NDST4: variants seen among roughly 807,000 people sequenced by gnomAD.
The protein encoded by NDST4 is N-heparan sulfate sulfotransferase 4.
In NDST4, 63 loss-of-function variants were observed where a neutral mutation model predicts 100.8. That is an observed-to-expected ratio of 0.62 (90% CI 0.51 to 0.77). The LOEUF (loss-of-function observed/expected upper bound fraction) is 0.77. Among genes scored for constraint, NDST4 ranks in the 30% least tolerant of loss-of-function variants. NDST4 has a pLI of 0.00. For missense variants in NDST4, 943 were observed against 1,018.4 expected (o/e 0.93, Z 1.01); for synonymous variants, 377 against 361.8 (o/e 1.04, Z -0.48).
chr4:114,911,678 G>A (rs140006146), intron 6 of NDST4, among the ~76,000 whole-genome samples: 1 of 152,168 alleles, frequency 6.6e-6, no homozygotes, highest in East Asian at 1.9e-4. Context: ...GAAAAATGGA[G>A]GAAGAAAATC....
chr4:114,828,630 A>T (rs1723131571), intron 13 of NDST4, among the ~76,000 whole-genome samples: 1 of 152,190 alleles, frequency 6.6e-6, no homozygotes, highest in Non-Finnish European at 1.5e-5. Context: ...TCTGGAAAAC[A>T]GGACATTTCT....
intron 2 of NDST4, among the ~76,000 whole-genome samples, chr4:115,002,259 TGAG>T (rs1381078700): frequency 6.6e-6 from 1 of 152,198 alleles, no homozygotes; most frequent in Admixed American, 6.5e-5. Context: ...CCAGTGATGA[TGAG>T]CTTTTTTTCA....
At chr4:115,032,425 T>TA (rs1392690003) in intron 2 of NDST4, among the ~76,000 whole-genome samples, 4 of 152,094 alleles carry the variant, frequency 2.6e-5, no homozygotes, top group African/African-American at 9.7e-5. Flanking sequence ...CATAAAATTA[T>TA]ATTAAGAGGT....
At chr4:115,021,243 CAT>C (rs1334147792) in intron 2 of NDST4, among the ~76,000 whole-genome samples, 1,354 of 126,402 alleles carry the variant, frequency 0.011, 37 homozygotes, top group African/African-American at 0.063. Context: ...ATATATTCCA[CAT>C]ATATATATTC....
intron 6 of NDST4, among the ~76,000 whole-genome samples, chr4:114,929,113 C>CATCCATCTATCTATCT (rs1578395038): frequency 5.4e-4 from 64 of 117,454 alleles, no homozygotes; most frequent in South Asian, 5.9e-4. Context: ...TCCATCCATC[C>CATCCATCTATCTATCT]ATCTATCTAT....
chr4:114,927,117 AAT>A (rs1247308747), intron 6 of NDST4, among the ~76,000 whole-genome samples: 1 of 151,918 alleles, frequency 6.6e-6, no homozygotes, highest in African/African-American at 2.4e-5. Flanking sequence ...TTAATTGTCA[AAT>A]ATGTTGACAA....
At chr4:114,843,427 A>C (rs1347740787) in intron 10 of NDST4, among the ~76,000 whole-genome samples, 1 of 152,140 alleles carries the variant, frequency 6.6e-6, no homozygotes, top group African/African-American at 2.4e-5. Context: ...ACTACTACAG[A>C]TCATGTTTTC....
chr4:114,928,131 CTT>C (rs1725422663), intron 6 of NDST4, among the ~76,000 whole-genome samples: 1 of 152,164 alleles, frequency 6.6e-6, no homozygotes, highest in Non-Finnish European at 1.5e-5. Context: ...TATTAACTAA[CTT>C]CTTTCCTTGG....
intron 6 of NDST4, among the ~76,000 whole-genome samples, chr4:114,871,930 A>G (rs1422805010): frequency 1.3e-5 from 2 of 152,062 alleles, no homozygotes; most frequent in African/African-American, 4.8e-5. Flanking sequence ...ATATAAGGTT[A>G]TAAATAATAA....
At chr4:114,985,448 T>C (rs1484014522) in intron 2 of NDST4, among the ~76,000 whole-genome samples, 4 of 152,190 alleles carry the variant, frequency 2.6e-5, no homozygotes, top group African/African-American at 4.8e-5. Flanking sequence ...TAATATCTAA[T>C]ATTATCAAGC....
intron 12 of NDST4, among the ~76,000 whole-genome samples, chr4:114,831,590 G>T (rs1723202719): frequency 6.6e-6 from 1 of 152,122 alleles, no homozygotes; most frequent in Non-Finnish European, 1.5e-5. Flanking sequence ...CATCTCCTTT[G>T]CTCTCAGGTA....
intron 2 of NDST4, among the ~76,000 whole-genome samples, chr4:114,999,260 C>T (rs1307576227): frequency 6.6e-6 from 1 of 152,008 alleles, no homozygotes; most frequent in Non-Finnish European, 1.5e-5. Context: ...TAATCATAAG[C>T]AGTCTTGCTT....
chr4:114,892,666 G>A (rs1724624553), intron 6 of NDST4, among the ~76,000 whole-genome samples: 1 of 151,860 alleles, frequency 6.6e-6, no homozygotes, highest in South Asian at 2.1e-4. Context: ...GATAAGAGGG[G>A]CCCAAGAAGG....
chr4:114,949,742 A>G (rs953579937), intron 4 of NDST4, among the ~76,000 whole-genome samples: 1 of 152,106 alleles, frequency 6.6e-6, no homozygotes, highest in African/African-American at 2.4e-5. Context: ...AACAATGTTC[A>G]ATGCCCACTA....
chr4:114,851,796 T>C (rs1312322848), intron 8 of NDST4, among the ~76,000 whole-genome samples: 1 of 152,154 alleles, frequency 6.6e-6, no homozygotes, highest in Non-Finnish European at 1.5e-5. Context: ...GTAATACAAT[T>C]TATATTCCTA....
chr4:114,833,850 C>A (rs929346218), intron 11 of NDST4, 135 bp from the exon 12 acceptor site: 9 of 562,072 alleles, frequency 1.6e-5, no homozygotes, highest in Non-Finnish European at 2.5e-5. Flanking sequence ...ACTTAGAATA[C>A]ATCCGAATGT....
intron 4 of NDST4, among the ~76,000 whole-genome samples, chr4:114,946,621 A>G (rs895889899): frequency 6.6e-6 from 1 of 152,140 alleles, no homozygotes; most frequent in African/African-American, 2.4e-5. Flanking sequence ...CAAGAATTCT[A>G]TTGTTTTTGC....
rs554714378 is a variant in NDST4, at chr4:115,050,219, A to T, written c.978+25840T>A. On this transcript the variant is annotated intron_variant, in intron 2 of 13. Transcript: ENST00000264363. ...CTTAATGGTAATAGTTTTGGTCTGT[A>T]CTATCTCAATGCCCTGGAGAATCAG... is the stretch of plus-strand genomic sequence containing the variant. Among the ~76,000 whole-genome samples, 4 of 152,278 alleles carry T rather than the reference A, an allele frequency of 2.6e-5. No homozygotes were observed. In the East Asian group the frequency reaches 7.7e-4, roughly 29 times the overall value.
chr4:115,093,469 C>T (rs112725339), intron 1 of NDST4, among the ~76,000 whole-genome samples: 13 of 150,968 alleles, frequency 8.6e-5, no homozygotes, highest in Admixed American at 2.6e-4. Flanking sequence ...AGCAAGACTC[C>T]GTCTCAAAAA....
Sources: gnomAD v4.1 joint callset for allele counts (sites outside exome capture counted in the v4.1 genomes callset) on GRCh38, gnomAD v4.1.1 for gene constraint, MANE v1.5 for transcripts, NCBI Gene and HGNC (gene_info 2026-07-23, HGNC 2026-07-21) for gene names.